Variants in CTBP2 observed in about 807,000 individuals in gnomAD.
CTBP2 encodes the protein C-terminal binding protein 2, also known as C-terminal-binding protein 2.
A neutral mutation model predicts 80.3 loss-of-function variants in CTBP2; 30 were observed. The observed-to-expected ratio is 0.37, with a 90% CI of 0.28 to 0.51. The LOEUF is 0.51. CTBP2 is among the 20% of genes least tolerant of loss of function. CTBP2 has a pLI of 0.93. For synonymous variants in CTBP2, 594 were observed against 587.4 expected, an observed-to-expected ratio of 1.01 and a Z score of -0.16; for missense variants, 1,212 against 1,375.3, an observed-to-expected ratio of 0.88 and a Z score of 1.88.
chr10:125,026,034 C>CT (rs1564736839), intron 1 of CTBP2: 1 of 1,529,198 alleles, frequency 6.5e-7, no homozygotes, highest in South Asian at 1.3e-5. Context: ...CCGCACCCCC[C>CT]TGCTCCCCCC....
intron 1 of CTBP2, among the ~76,000 whole-genome samples, chr10:125,153,988 G>T (rs556430805): frequency 2.0e-5 from 3 of 152,324 alleles, no homozygotes; most frequent in Admixed American, 6.5e-5. Context: ...CTTTAACGTG[G>T]CCCTTCCAGG....
chr10:125,098,704 G>C lies in CTBP2; in HGVS notation c.-102+12286C>G, dbSNP rs947634705. ...AGAGAGAGAGAGAGAGAGAGAGAGA[G>C]AGACAGAGAGAGAGAGAGACAGAGA... On this transcript the variant is annotated intron_variant, in intron 2 of 10. Coordinates refer to the CTBP2 transcript ENST00000337195. 5.7e-3 allele frequency among the ~76,000 whole-genome samples: 739 copies of C among 130,024 alleles called. 15 individuals carry two copies. The highest frequency in any genetic ancestry group is 0.022 in the African/African-American group (670 of 30,416). 85.3% of individuals were successfully genotyped at this position (130,024 alleles called of 152,430 possible).
chr10:125,156,386 T>C (rs1021941477), intron 1 of CTBP2, among the ~76,000 whole-genome samples: 1 of 152,222 alleles, frequency 6.6e-6, no homozygotes, highest in South Asian at 2.1e-4. Context: ...CATTCTACCA[T>C]TGCTGTAAAC....
intron 2 of CTBP2, among the ~76,000 whole-genome samples, chr10:125,078,515 CTT>C (rs71029237): frequency 1.4e-4 from 20 of 146,758 alleles, no homozygotes; most frequent in Non-Finnish European, 1.4e-4. Context: ...CTTCCACAGC[CTT>C]TTTTTTTTTT....
intron 1 of CTBP2, among the ~76,000 whole-genome samples, chr10:125,122,351 G>C (rs1433301428): frequency 6.6e-6 from 1 of 152,214 alleles, no homozygotes; most frequent in Non-Finnish European, 1.5e-5. Flanking sequence ...TGCAGGGCAA[G>C]CGTGCTTTCT....
chr10:125,011,631 C>T (rs1019773466), intron 1 of CTBP2, among the ~76,000 whole-genome samples: 2 of 152,208 alleles, frequency 1.3e-5, no homozygotes, highest in Non-Finnish European at 2.9e-5. Flanking sequence ...AGCTCATCTG[C>T]AACCCTAGAA....
intron 2 of CTBP2, among the ~76,000 whole-genome samples, chr10:125,072,289 C>T (rs1564850906): frequency 6.6e-6 from 1 of 151,082 alleles, no homozygotes; most frequent in East Asian, 2.0e-4. Context: ...AAAAGGAATC[C>T]ACGTACAGCT....
intron 1 of CTBP2, among the ~76,000 whole-genome samples, chr10:125,120,894 G>A (rs976452987): frequency 2.0e-5 from 3 of 152,240 alleles, no homozygotes; most frequent in Admixed American, 1.3e-4. Flanking sequence ...GACTGGGAAA[G>A]TGAAGTTAGT....
chr10:125,131,304 C>T (rs1856140106), intron 1 of CTBP2, among the ~76,000 whole-genome samples: 1 of 152,216 alleles, frequency 6.6e-6, no homozygotes, highest in Non-Finnish European at 1.5e-5. Flanking sequence ...TGCAATTTTA[C>T]AGCCCGACTT....
intron 2 of CTBP2, among the ~76,000 whole-genome samples, chr10:125,044,034 A>T (rs538811540): frequency 1.3e-5 from 2 of 152,318 alleles, no homozygotes; most frequent in Non-Finnish European, 2.9e-5. Context: ...ACTGTTAAGC[A>T]TGAGTGGGGC....
chr10:125,002,515 C>G (rs573265782), intron 3 of CTBP2, among the ~76,000 whole-genome samples: 1 of 152,214 alleles, frequency 6.6e-6, no homozygotes, highest in Non-Finnish European at 1.5e-5. Context: ...CCTCCCAGAA[C>G]GGGAGGCCCA....
chr10:125,024,525 A>AAAAAG (rs542553094), intron 1 of CTBP2, among the ~76,000 whole-genome samples: 22 of 152,372 alleles, frequency 1.4e-4, no homozygotes, highest in Admixed American at 8.5e-4. Context: ...AATAAACAGG[A>AAAAAG]AAAAGAAAAG....
At chr10:125,153,413 CTG>C in intron 1 of CTBP2, among the ~76,000 whole-genome samples, 1 of 152,352 alleles carries the variant, frequency 6.6e-6, no homozygotes, top group South Asian at 2.1e-4. Context: ...GATAAGCCGA[CTG>C]TGTTTGCACT....
intron 1 of CTBP2, among the ~76,000 whole-genome samples, chr10:125,111,461 T>C (rs780032821): frequency 6.6e-6 from 1 of 152,246 alleles, no homozygotes; most frequent in African/African-American, 2.4e-5. Flanking sequence ...CCAACTGTTT[T>C]GAGAAATATG....
Position 125,005,883 on chromosome 10 carries a change from GGA to G in CTBP2, c.1679-2393_1679-2392del, listed in dbSNP as rs919552138. 6 of 1,535,954 alleles carry G rather than the reference GGA, an allele frequency of 3.9e-6. No homozygotes were observed. In the African/African-American group the frequency reaches 8.3e-5, roughly 21 times the overall value. On this transcript the variant is annotated intron_variant, in intron 1 of 8. Coordinates refer to ENST00000309035, the MANE Select transcript of CTBP2 (RefSeq NM_022802.3). ...CAGGGGTGCTGGCAGGATGGTTATC[GGA>G]GAGAGTGCCTGATTATAAGAAATCC...
At chr10:125,075,329 G>C (rs2135499438) in intron 2 of CTBP2, among the ~76,000 whole-genome samples, 1 of 152,278 alleles carries the variant, frequency 6.6e-6, no homozygotes, top group Middle Eastern at 3.4e-3. Flanking sequence ...GGGCGTTAAT[G>C]AGGTGATTAG....
At position 125,026,396 on chromosome 10, in the gene CTBP2, T is replaced by C; in HGVS notation, c.1364A>G (p.Tyr455Cys). 1.2e-6 allele frequency: 2 copies of C among 1,609,540 alleles called. No individual in the cohort carries two copies. The highest frequency in any genetic ancestry group is 2.2e-5 in the South Asian group (2 of 90,940). ...CAAGGCCACCCCTGCCTGCAGGGGGTACGTGGGGCTCAGACGCGCTGTCAG... is the reference window on the plus strand; with the variant it reads ...CAAGGCCACCCCTGCCTGCAGGGGGCACGTGGGGCTCAGACGCGCTGTCAG... Residue 455 changes from tyrosine to cysteine, a missense_variant, in exon 1 of 9, where the codon TAC (tyrosine) becomes TGC (cysteine). Physicochemically the swap from Tyr to Cys is radical, Grantham distance 194. Coordinates refer to ENST00000309035, the MANE Select transcript of CTBP2 (RefSeq NM_022802.3).
At chr10:125,136,278 T>C (rs1856966184) in intron 1 of CTBP2, among the ~76,000 whole-genome samples, 1 of 152,152 alleles carries the variant, frequency 6.6e-6, no homozygotes. Context: ...GCCTACCTCC[T>C]GTGAAAGGCC....
rs1205025652 is a variant in CTBP2 at position 124,987,848 on chromosome 10, A to ATACTT, written c.*1665_*1669dup. On this transcript the variant is annotated 3_prime_UTR_variant, in exon 9 of 9. Coordinates refer to ENST00000309035, the MANE Select transcript of CTBP2 (RefSeq NM_022802.3). ...TGTTGGACTTAATTGACACTTGCAAATACTTTTAGTATAAAGGTTTAATTC... is the reference window on the plus strand; with the variant it reads ...TGTTGGACTTAATTGACACTTGCAAATACTTTACTTTTAGTATAAAGGTTTAATTC... The ATACTT allele has an allele frequency of 2.0e-5, 3 of 152,238 alleles. No individual in the cohort carries two copies. The highest frequency in any genetic ancestry group is 4.4e-5 in the Non-Finnish European group (3 of 68,038). The allele number at this position is 152,238 out of a possible 1,614,324, so 9.4% of individuals were successfully genotyped here.
Sources: gnomAD v4.1 joint callset for allele counts (sites outside exome capture counted in the v4.1 genomes callset) on GRCh38, gnomAD v4.1.1 for gene constraint, MANE v1.5 for transcripts, NCBI Gene and HGNC (gene_info 2026-07-23, HGNC 2026-07-21) for gene names.